The following TRAM2 variants were observed in gnomAD, a reference collection of about 807,000 sequenced individuals.
The protein encoded by TRAM2 is translocating chain-associated membrane protein 2.
A neutral mutation model predicts 51.0 loss-of-function variants in TRAM2; 12 were observed. The observed-to-expected ratio is 0.24, with a 90% CI of 0.15 to 0.38. TRAM2 has a LOEUF of 0.38. Among genes scored for constraint, TRAM2 ranks in the 10% least tolerant of loss-of-function variants. TRAM2 has a pLI of 1.00. For synonymous variants in TRAM2, 175 were observed against 179.4 expected (o/e 0.98, Z 0.20); for missense variants, 361 against 462.0 (o/e 0.78, Z 2.00).
chr6:52,515,974 CTCCCGCTTCAGCAG>C lies in TRAM2; in HGVS notation c.411+18_411+31del. 6.2e-7 allele frequency: 1 copy of C among 1,600,754 alleles called. No homozygotes were observed. Among genetic ancestry groups the C allele is most frequent in the Non-Finnish European group, 8.6e-7 (1 of 1,168,260 alleles). The stretch of plus-strand genomic sequence containing the variant: ...CTGGAATTGCCCCTTGGTTTGAGCT[CTCCCGCTTCAGCAG>C]TCCTGAGAATGGCTCACCGTCACCA... On this transcript the variant is annotated intron_variant, in intron 4 of 10. Coordinates refer to ENST00000182527, the MANE Select transcript of TRAM2 (RefSeq NM_012288.4).
At chr6:52,548,327 A>T (rs1185230534) in intron 1 of TRAM2, among the ~76,000 whole-genome samples, 7 of 152,248 alleles carry the variant, frequency 4.6e-5, no homozygotes, top group Admixed American at 3.9e-4. Flanking sequence ...GGCAAGGTAA[A>T]GGCATTTTAC....
intron 8 of TRAM2, 83 bp from the exon 9 acceptor site, chr6:52,505,825 G>A: frequency 2.0e-6 from 3 of 1,517,698 alleles, no homozygotes; most frequent in Non-Finnish European, 2.7e-6. Context: ...GAGACCCCGA[G>A]TGGGAAGAGG....
intron 3 of TRAM2, 188 bp downstream of exon 3, chr6:52,516,440 T>C (rs1456182521): frequency 1.3e-5 from 8 of 615,258 alleles, no homozygotes; most frequent in East Asian, 2.8e-5. Flanking sequence ...TGCTGTCCCA[T>C]GTGCTGATTA....
chr6:52,534,818 C>T (rs999692337), intron 2 of TRAM2, among the ~76,000 whole-genome samples: 8 of 152,288 alleles, frequency 5.3e-5, no homozygotes, highest in African/African-American at 1.4e-4. Context: ...TCCAGTTCAG[C>T]GATTTACCTG....
At chr6:52,561,579 G>T (rs1196672383) in intron 1 of TRAM2, among the ~76,000 whole-genome samples, 1 of 150,350 alleles carries the variant, frequency 6.7e-6, no homozygotes, top group African/African-American at 2.4e-5. Context: ...TCCGCCTCCC[G>T]GGTTCACACC....
At chr6:52,544,176 A>G (rs1229923189) in intron 1 of TRAM2, among the ~76,000 whole-genome samples, 1 of 152,254 alleles carries the variant, frequency 6.6e-6, no homozygotes, top group Non-Finnish European at 1.5e-5. Flanking sequence ...CTGCAGGCCA[A>G]TTCTCACAGG....
intron 1 of TRAM2, among the ~76,000 whole-genome samples, chr6:52,573,071 T>C (rs1214437675): frequency 6.6e-6 from 1 of 152,074 alleles, no homozygotes; most frequent in Non-Finnish European, 1.5e-5. Context: ...AGCCTGTAAA[T>C]GAGCTTAAAA....
At chr6:52,520,683 T>A (rs1010600174) in intron 2 of TRAM2, among the ~76,000 whole-genome samples, 20 of 152,160 alleles carry the variant, frequency 1.3e-4, no homozygotes, top group Admixed American at 9.8e-4. Context: ...AGGGACACAG[T>A]CCGTTTCTTG....
At chr6:52,535,662 C>T (rs759562480) in intron 2 of TRAM2, 121 bp downstream of exon 2, 1 of 784,618 alleles carries the variant, frequency 1.3e-6, no homozygotes, top group Non-Finnish European at 2.0e-6. Flanking sequence ...GTCTGGGTGA[C>T]AGAGCAGAGA....
Position 52,574,543 on chromosome 6 carries a change from T to C in TRAM2, c.120+2253A>G, listed in dbSNP as rs186567721. ...CCAAAAGAAGGAGACACCTGCCCTG[T>C]AGGTCCTGTAGGTTCAAGGTGCTAT... On this transcript the variant is annotated intron_variant, in intron 1 of 10. Transcript: ENST00000182527. 5.9e-5 allele frequency among the ~76,000 whole-genome samples: 9 copies of C among 152,296 alleles called. No homozygotes were observed. The East Asian group carries it at 1.2e-3, about 20-fold the overall frequency.
intron 2 of TRAM2, among the ~76,000 whole-genome samples, chr6:52,532,236 A>G (rs527505894): frequency 3.9e-5 from 6 of 152,352 alleles, no homozygotes; most frequent in Admixed American, 6.5e-5. Flanking sequence ...TAATAAAAGG[A>G]TGCCCAATCA....
chr6:52,576,884 G>C lies in TRAM2; in HGVS notation c.32C>G (p.Pro11Arg), dbSNP rs940205416. 1.9e-6 allele frequency: 3 copies of C among 1,613,530 alleles called. No individual in the cohort carries two copies. Among genetic ancestry groups the C allele is most frequent in the African/African-American group, 1.3e-5 (1 of 75,010 alleles). ...GATGACGAACTCCTGGCTGAAGAGC[G>C]GGTAACTTTTCGTCCTCCTGCGGAA... Reference protein sequence around the residue: MAFRRRTKSYPLFSQEFVIHN... With the variant: MAFRRRTKSYRLFSQEFVIHN... The change falls in exon 1 of 11, where the codon CCG becomes CGG. Residue 11 changes from proline to arginine, a missense_variant. Pro to Arg is a moderately radical substitution (Grantham distance 103, BLOSUM62 -2). Transcript: ENST00000182527.
intron 8 of TRAM2, 21 bp downstream of exon 8, chr6:52,506,011 G>A: frequency 6.2e-7 from 1 of 1,612,692 alleles, no homozygotes; most frequent in Non-Finnish European, 8.5e-7. Flanking sequence ...AAGCGGGCCA[G>A]CCTGCAGCAG....
At chr6:52,562,027 C>T (rs985707197) in intron 1 of TRAM2, among the ~76,000 whole-genome samples, 2 of 120,060 alleles carry the variant, frequency 1.7e-5, no homozygotes, top group African/African-American at 6.4e-5. Context: ...CTGTATCATA[C>T]ACTTTAAAAT....
chr6:52,574,288 G>A (rs1767728147), intron 1 of TRAM2, among the ~76,000 whole-genome samples: 1 of 152,150 alleles, frequency 6.6e-6, no homozygotes, highest in South Asian at 2.1e-4. Context: ...GGTACCTACA[G>A]TATCCAGGAC....
chr6:52,523,079 G>C (rs1766706706), intron 2 of TRAM2: 1 of 537,418 alleles, frequency 1.9e-6, no homozygotes. Flanking sequence ...CTGAAAGCTA[G>C]TTGTTTAAAG....
chr6:52,505,547 C>T (rs548660465), intron 9 of TRAM2, 52 bp downstream of exon 9: 867 of 1,545,030 alleles, frequency 5.6e-4, no homozygotes, highest in Non-Finnish European at 7.4e-4. Flanking sequence ...AAGGGCTGTG[C>T]CAAGTTCAGG....
chr6:52,508,145 G>A (rs1175125734), intron 6 of TRAM2, 89 bp downstream of exon 6: 2 of 1,219,612 alleles, frequency 1.6e-6, no homozygotes, highest in East Asian at 2.4e-5. Flanking sequence ...CCATGCTTCT[G>A]GAGAAAAGGA....
In TRAM2 at chr6:52,516,008, TCAC is replaced by T. The variant is rs1766540508; in HGVS notation, c.406_408del (p.Val136del). On this transcript the variant is annotated inframe_deletion, in exon 4 of 11. Transcript: ENST00000182527. ...CAGCAGTCCTGAGAATGGCTCACCGTCACCACCACGTAGAAGCACCAAATCACC... is the reference window on the plus strand; with the variant it reads ...CAGCAGTCCTGAGAATGGCTCACCGTCACCACGTAGAAGCACCAAATCACC... 6.2e-7 allele frequency: 1 copy of T among 1,613,974 alleles called. No homozygotes were observed. The highest frequency in any genetic ancestry group is 1.7e-5 in the Admixed American group (1 of 60,000).
Sources: gnomAD v4.1 joint callset for allele counts (sites outside exome capture counted in the v4.1 genomes callset) on GRCh38, gnomAD v4.1.1 for gene constraint, MANE v1.5 for transcripts, NCBI Gene and HGNC (gene_info 2026-07-23, HGNC 2026-07-21) for gene names.